PKHD1L1: variants seen among roughly 807,000 people sequenced by gnomAD.
PKHD1L1 encodes the protein PKHD1 like 1, also known as fibrocystin-L.
PKHD1L1 carries 434 observed loss-of-function variants against 462.9 expected under a neutral mutation model. That is an observed-to-expected ratio of 0.94 (90% CI 0.87 to 1.02). The LOEUF (loss-of-function observed/expected upper bound fraction) is 1.02, where lower values mean the gene tolerates loss of function less well. PKHD1L1 is among the 50% of genes least tolerant of loss of function. The probability of loss-of-function intolerance (pLI) is 0.00; values close to 1 mark genes in which losing one functional copy is unlikely to be tolerated. For synonymous variants in PKHD1L1, 1,781 were observed against 1,750.0 expected (o/e 1.02, Z -0.44); for missense variants, 5,202 against 5,096.1 (o/e 1.02, Z -0.63).
chr8:109,382,490 T>TA lies in PKHD1L1; in HGVS notation c.337dup (p.Arg113LysfsTer13). 5 of 1,611,622 alleles carry TA rather than the reference T, an allele frequency of 3.1e-6. No homozygotes were observed. Among genetic ancestry groups the TA allele is most frequent in the Non-Finnish European group, 4.2e-6 (5 of 1,178,718 alleles). Reference sequence around the variant, plus strand: ...CAATGCCGGAAGATTCCTACACTGTTAGAGTCAGTGTGGACGGGGTTCCTG... The same window carrying TA: ...CAATGCCGGAAGATTCCTACACTGTTAAGAGTCAGTGTGGACGGGGTTCCTG... On this transcript the variant is annotated frameshift_variant, in exon 4 of 78. Coordinates refer to ENST00000378402, the MANE Select transcript of PKHD1L1 (RefSeq NM_177531.6). LOFTEE classifies it high-confidence loss of function.
chr8:109,412,120 C>A, intron 19 of PKHD1L1, 145 bp from the exon 20 acceptor site: 2 of 734,904 alleles, frequency 2.7e-6, no homozygotes, highest in Non-Finnish European at 4.3e-6. Context: ...CTTTAGATTT[C>A]AGACAAGGAA....
chr8:109,485,194 C>A, intron 58 of PKHD1L1, 21 bp downstream of exon 58: 2 of 1,505,640 alleles, frequency 1.3e-6, no homozygotes, highest in South Asian at 1.3e-5. Flanking sequence ...GCTTTTTAAC[C>A]AAATAGATAT....
chr8:109,534,530 A>G lies in PKHD1L1; in HGVS notation c.*4440A>G, dbSNP rs1821108634. Among the ~76,000 whole-genome samples, 1 of 152,086 alleles carries G rather than the reference A, an allele frequency of 6.6e-6. No individual in the cohort carries two copies. The highest frequency in any genetic ancestry group is 2.4e-5 in the African/African-American group (1 of 41,420). Reference sequence around the variant, plus strand: ...TTGGGTTGGGTTGGGGAACCTACCAAAACAGTGGGAGAGTCTTGCCCTTTT... The same window carrying G: ...TTGGGTTGGGTTGGGGAACCTACCAGAACAGTGGGAGAGTCTTGCCCTTTT... On this transcript the variant is annotated 3_prime_UTR_variant, in exon 78 of 78. Transcript: ENST00000378402.
intron 21 of PKHD1L1, among the ~76,000 whole-genome samples, chr8:109,417,871 T>G (rs1412559773): frequency 2.0e-5 from 3 of 152,158 alleles, no homozygotes; most frequent in African/African-American, 7.2e-5. Context: ...TTTCTAGATC[T>G]GCTTTAATAT....
rs1397795696 is a variant in PKHD1L1, at chr8:109,390,158, G to T, written c.698-294G>T. ...TTAAATAGCTGTTAAATAAATAAAA[G>T]AAATTTCAGGGCAATATGGTTACAT... On this transcript the variant is annotated intron_variant, in intron 8 of 77. Coordinates refer to ENST00000378402, the MANE Select transcript of PKHD1L1 (RefSeq NM_177531.6). Among the ~76,000 whole-genome samples, 5 of 152,106 alleles carry T rather than the reference G, an allele frequency of 3.3e-5. No individual in the cohort carries two copies. In the East Asian group the frequency reaches 7.7e-4, roughly 24 times the overall value.
intron 54 of PKHD1L1, 73 bp downstream of exon 54, chr8:109,479,712 C>T: frequency 9.4e-7 from 1 of 1,060,474 alleles, no homozygotes; most frequent in Non-Finnish European, 1.4e-6. Context: ...GTAGATGTCA[C>T]AGTTTTATCA....
At position 109,472,091 on chromosome 8, in the gene PKHD1L1, T is replaced by A. The variant is rs555058569; in HGVS notation, c.8606-3027T>A. On this transcript the variant is annotated intron_variant, in intron 50 of 77. Transcript: ENST00000378402. The stretch of plus-strand genomic sequence containing the variant: ...AGAAGTCTTAATTGTGTTTATTTTT[T>A]AAAAAAAATAATGTTAGACTTGTGC... Among the ~76,000 whole-genome samples the A allele has an allele frequency of 8.8e-3, 1,329 of 151,678 alleles. 9 individuals carry two copies. Among genetic ancestry groups the A allele is most frequent in the Non-Finnish European group, 0.011 (727 of 67,874 alleles).
intron 2 of PKHD1L1, among the ~76,000 whole-genome samples, chr8:109,373,320 A>G (rs1563713806): frequency 6.6e-6 from 1 of 152,144 alleles, no homozygotes; most frequent in East Asian, 1.9e-4. Flanking sequence ...CTCTGATGGT[A>G]GTTTGTATTT....
chr8:109,522,438 A>G (rs1021725821), intron 74 of PKHD1L1, 101 bp downstream of exon 74: 1 of 1,261,196 alleles, frequency 7.9e-7, no homozygotes, highest in Non-Finnish European at 1.1e-6. Context: ...ACAATAATTT[A>G]GCAGGCATGT....
intron 2 of PKHD1L1, among the ~76,000 whole-genome samples, chr8:109,366,145 T>A (rs1010322477): frequency 3.3e-5 from 5 of 152,194 alleles, no homozygotes; most frequent in African/African-American, 9.7e-5. Flanking sequence ...TCCTTTTAAA[T>A]CTAGCTAAAA....
rs780809389 is a variant in PKHD1L1, at chr8:109,425,205, A to C, written c.2818A>C (p.Ile940Leu). 2.5e-6 allele frequency: 4 copies of C among 1,606,462 alleles called. No homozygotes were observed. Among genetic ancestry groups the C allele is most frequent in the Non-Finnish European group, 3.4e-6 (4 of 1,177,578 alleles). Residue 940 changes from isoleucine (I) to leucine (L), a missense_variant, in exon 24 of 78, where the codon ATT becomes CTT. Physicochemically the swap from Ile to Leu is conservative, Grantham distance 5. This residue lies in a region of PKHD1L1 where 4,497 missense variants were observed against 4,336.8 expected (regional missense o/e 1.04). Coordinates refer to ENST00000378402, the MANE Select transcript of PKHD1L1 (RefSeq NM_177531.6). ...ASPPLSGSFD[I>L]QAYGHILKGL... ...TCCACCTCTAAGTGGCAGCTTTGAC[A>C]TTCAAGCTTATGGACATATTCTTAA... is the stretch of plus-strand genomic sequence containing the variant.
intron 77 of PKHD1L1, among the ~76,000 whole-genome samples, chr8:109,529,718 A>G (rs1008334833): frequency 8.5e-5 from 13 of 152,156 alleles, no homozygotes; most frequent in Non-Finnish European, 1.3e-4. Flanking sequence ...CAATTAGAAT[A>G]TAAGAAATTT....
chr8:109,362,722 G>C lies in PKHD1L1; in HGVS notation c.73+69G>C, dbSNP rs771108519. Reference sequence around the variant, plus strand: ...CGTAGACACTACCCCTGCTCCCGGGGTCCTGGGAGAGGCAGGACCACCTGG... The same window carrying C: ...CGTAGACACTACCCCTGCTCCCGGGCTCCTGGGAGAGGCAGGACCACCTGG... On this transcript the variant is annotated intron_variant, in intron 1 of 77. Transcript: ENST00000378402. The C allele has an allele frequency of 4.7e-4, 707 of 1,508,442 alleles. 2 individuals carry two copies. Among genetic ancestry groups the C allele is most frequent in the Middle Eastern group, 3.7e-3 (21 of 5,736 alleles). 93.4% of individuals were successfully genotyped at this position (1,508,442 alleles called of 1,614,324 possible). A position where few individuals can be genotyped will look rare whatever the true frequency, so the allele number is the denominator to read the frequency against.
chr8:109,388,142 T>A (rs1414368488), intron 6 of PKHD1L1, among the ~76,000 whole-genome samples: 1 of 152,184 alleles, frequency 6.6e-6, no homozygotes, highest in Non-Finnish European at 1.5e-5. Context: ...GAACTTCAGA[T>A]GGATGACTTT....
At position 109,408,143 on chromosome 8, in the gene PKHD1L1, A is replaced by C; in HGVS notation, c.1908A>C (p.Thr636=). The C allele has an allele frequency of 6.2e-7, 1 of 1,613,402 alleles. No individual in the cohort carries two copies. Among genetic ancestry groups the C allele is most frequent in the Non-Finnish European group, 8.5e-7 (1 of 1,179,468 alleles). Residue 636 remains threonine, a synonymous_variant, in exon 18 of 78, where the codon ACA becomes ACC. Coordinates refer to ENST00000378402, the MANE Select transcript of PKHD1L1 (RefSeq NM_177531.6). ...EQTKGKPNLE[T]FTLNWDGIAS... ...CCAAAGGAAAACCCAACTTGGAGACATTCACACTGAATTGGGATGGGATCG... is the reference window on the plus strand; with the variant it reads ...CCAAAGGAAAACCCAACTTGGAGACCTTCACACTGAATTGGGATGGGATCG...
chr8:109,362,529 A>G lies in PKHD1L1; in HGVS notation c.-52A>G. 5.3e-6 allele frequency: 8 copies of G among 1,515,630 alleles called. No homozygotes were observed. The highest frequency in any genetic ancestry group is 2.4e-5 in the South Asian group (2 of 83,586). The allele number at this position is 1,515,630 out of a possible 1,614,324, so 93.9% of individuals were successfully genotyped here. A position where few individuals can be genotyped will look rare whatever the true frequency, so the allele number is the denominator to read the frequency against. On this transcript the variant is annotated 5_prime_UTR_variant, in exon 1 of 78. Transcript: ENST00000378402. Reference sequence around the variant, plus strand: ...GCAGTCCCAGGAGCCGAGCTCCAGCACTAGAGCCAGCTGCGAGCGGAGGGC... The same window carrying G: ...GCAGTCCCAGGAGCCGAGCTCCAGCGCTAGAGCCAGCTGCGAGCGGAGGGC...
chr8:109,450,839 C>G, intron 40 of PKHD1L1, 136 bp from the exon 41 acceptor site: 1 of 820,066 alleles, frequency 1.2e-6, no homozygotes, highest in Non-Finnish European at 1.8e-6. Context: ...CACTATTATT[C>G]ACATGTAGCC....
intron 24 of PKHD1L1, among the ~76,000 whole-genome samples, chr8:109,425,614 T>C (rs1377054490): frequency 6.6e-6 from 1 of 152,124 alleles, no homozygotes. Flanking sequence ...GTTGAAATTA[T>C]GACTTTCATA....
rs933367597 is a variant in PKHD1L1 at position 109,533,822 on chromosome 8, A to G, written c.*3732A>G. Among the ~76,000 whole-genome samples, 7 of 152,318 alleles carry G rather than the reference A, an allele frequency of 4.6e-5. No homozygotes were observed. Among genetic ancestry groups the G allele is most frequent in the South Asian group, 4.1e-4 (2 of 4,832 alleles). On this transcript the variant is annotated 3_prime_UTR_variant, in exon 78 of 78. Transcript: ENST00000378402. ...TTCCAGTGGATTGAATTAAAACTTT[A>G]GGTAAGAAAAGACTAAGATGGTGGA... is the stretch of plus-strand genomic sequence containing the variant.
Sources: gnomAD v4.1 joint callset for allele counts (sites outside exome capture counted in the v4.1 genomes callset) on GRCh38, gnomAD v4.1.1 for gene constraint, gnomAD v4.1.1 regional missense constraint, MANE v1.5 for transcripts, NCBI Gene and HGNC (gene_info 2026-07-23, HGNC 2026-07-21) for gene names.